TTC17: variants seen among roughly 807,000 people sequenced by gnomAD.
The protein encoded by TTC17 is tetratricopeptide repeat domain 17.
A neutral mutation model predicts 143.8 loss-of-function variants in TTC17; 58 were observed. The ratio of observed to expected loss-of-function variants is 0.40; its 90% CI spans 0.33 to 0.50. The LOEUF is 0.50. Ranked by LOEUF, TTC17 falls within the 20% of genes least tolerant of loss-of-function variation. The pLI is 0.49. For missense variants in TTC17, 1,273 were observed against 1,392.5 expected (o/e 0.91, Z 1.37); for synonymous variants, 501 against 497.8 (o/e 1.01, Z -0.09).
At chr11:43,433,355 C>G (rs1463272345) in intron 16 of TTC17, among the ~76,000 whole-genome samples, 2 of 152,224 alleles carry the variant, frequency 1.3e-5, no homozygotes, top group South Asian at 4.1e-4. Flanking sequence ...CAATTCTACT[C>G]TTAAAGCATG....
At chr11:43,406,975 CTGT>C in intron 13 of TTC17, among the ~76,000 whole-genome samples, 160 bp from the exon 14 acceptor site, 1 of 152,188 alleles carries the variant, frequency 6.6e-6, no homozygotes, top group Middle Eastern at 3.4e-3. Context: ...AGGTCAACAC[CTGT>C]TGGTATGTGA....
intron 13 of TTC17, among the ~76,000 whole-genome samples, chr11:43,406,230 A>G (rs997170615): frequency 1.3e-5 from 2 of 152,178 alleles, no homozygotes; most frequent in Non-Finnish European, 2.9e-5. Flanking sequence ...TCTGTTATCT[A>G]ATGGAGTTGG....
At chr11:43,361,061 T>A (rs1856084143) in intron 1 of TTC17, among the ~76,000 whole-genome samples, 1 of 152,192 alleles carries the variant, frequency 6.6e-6, no homozygotes, top group Admixed American at 6.5e-5. Context: ...GAAAGTTGGA[T>A]TTAATCTGAA....
chr11:43,450,428 CT>C (rs1411512868), intron 20 of TTC17, among the ~76,000 whole-genome samples, 187 bp downstream of exon 20: 1 of 152,158 alleles, frequency 6.6e-6, no homozygotes. Context: ...GCTTATTATT[CT>C]TTTTTTCTTT....
At chr11:43,395,099 CTTT>C (rs34977501) in intron 5 of TTC17, among the ~76,000 whole-genome samples, 6 of 137,430 alleles carry the variant, frequency 4.4e-5, no homozygotes, top group Admixed American at 7.4e-5. Flanking sequence ...TCATGTAGAA[CTTT>C]TTTTTTTTTT....
chr11:43,372,002 T>A (rs911721951), intron 1 of TTC17, among the ~76,000 whole-genome samples: 11 of 152,106 alleles, frequency 7.2e-5, no homozygotes, highest in African/African-American at 2.2e-4. Context: ...AGCACAGGAA[T>A]TCAAGGTTAC....
Position 43,397,333 on chromosome 11 carries a change from G to T in TTC17, c.774-14G>T. The T allele has an allele frequency of 6.2e-7, 1 of 1,602,124 alleles. No homozygotes were observed. The highest frequency in any genetic ancestry group is 8.5e-7 in the Non-Finnish European group (1 of 1,176,758). On this transcript the variant is annotated splice_polypyrimidine_tract_variant and intron_variant, in intron 6 of 23. Transcript: ENST00000039989. ...GGTTCTACATAATCATGGAATATGT[G>T]CTGCTTTCCTTAGGCACAATAAAGA...
intron 10 of TTC17, among the ~76,000 whole-genome samples, chr11:43,401,783 C>T (rs988135215): frequency 9.2e-5 from 14 of 151,898 alleles, no homozygotes; most frequent in African/African-American, 3.4e-4. Context: ...TCAAGACCAG[C>T]CTGGGTAACA....
chr11:43,402,186 C>T (rs1050467709), intron 10 of TTC17, among the ~76,000 whole-genome samples: 1 of 151,934 alleles, frequency 6.6e-6, no homozygotes, highest in African/African-American at 2.4e-5. Context: ...TCTCTTTTAC[C>T]ATGGGAGCTA....
At chr11:43,379,452 C>T in intron 2 of TTC17, 130 bp downstream of exon 2, 1 of 694,536 alleles carries the variant, frequency 1.4e-6, no homozygotes, top group Non-Finnish European at 2.4e-6. Context: ...GAATATACTA[C>T]CTGCAATGTG....
At chr11:43,490,694 C>G (rs1948458270) in intron 22 of TTC17, 1 of 159,450 alleles carries the variant, frequency 6.3e-6, no homozygotes, top group Non-Finnish European at 1.4e-5. Flanking sequence ...AGAAGTCAAT[C>G]TGAATTTAGC....
chr11:43,379,236 G>A lies in TTC17; in HGVS notation c.163G>A (p.Asp55Asn), dbSNP rs1856872686. 2 of 1,611,496 alleles carry A rather than the reference G, an allele frequency of 1.2e-6. No individual in the cohort carries two copies. The highest frequency in any genetic ancestry group is 1.7e-6 in the Non-Finnish European group (2 of 1,179,318). The change falls in exon 2 of 24, where the codon GAT becomes AAT. Residue 55 changes from aspartate (D) to asparagine (N), a missense_variant. This residue lies in a region of TTC17 where 325 missense variants were observed against 444.2 expected (regional missense o/e 0.73). Transcript: ENST00000039989. ...TTTATTTATTGCTTGCTTGCAGGTG[G>A]ATTCACCAATGAACTTGAAGCATCC... ...TEDGKIQQQVDSPMNLKHPHD... is the reference protein window; with the variant it reads ...TEDGKIQQQVNSPMNLKHPHD...
At chr11:43,379,520 T>A (rs1479161243) in intron 2 of TTC17, among the ~76,000 whole-genome samples, 198 bp downstream of exon 2, 1 of 152,104 alleles carries the variant, frequency 6.6e-6, no homozygotes, top group Non-Finnish European at 1.5e-5. Flanking sequence ...ATTTGAGTAG[T>A]AGTAAGAAAA....
chr11:43,419,062 C>A (rs867656889), intron 16 of TTC17, among the ~76,000 whole-genome samples: 10 of 152,164 alleles, frequency 6.6e-5, no homozygotes, highest in African/African-American at 2.2e-4. Context: ...CAAACAGCAA[C>A]TTCGCTGTTT....
chr11:43,410,031 AG>A (rs902564458), intron 15 of TTC17, among the ~76,000 whole-genome samples: 8 of 151,774 alleles, frequency 5.3e-5, no homozygotes, highest in Non-Finnish European at 1.2e-4. Flanking sequence ...TAGTAGAAAC[AG>A]GGTTGTATTT....
intron 8 of TTC17, among the ~76,000 whole-genome samples, chr11:43,399,054 A>C (rs1319104833): frequency 6.6e-6 from 1 of 152,194 alleles, no homozygotes; most frequent in Non-Finnish European, 1.5e-5. Flanking sequence ...ATTAAATGTA[A>C]TCAGGCAGCT....
At chr11:43,471,079 T>G (rs1287520242) in intron 21 of TTC17, among the ~76,000 whole-genome samples, 2 of 152,168 alleles carry the variant, frequency 1.3e-5, no homozygotes, top group African/African-American at 4.8e-5. Flanking sequence ...CAGACTCTAT[T>G]TTAGGATTAA....
At chr11:43,455,569 T>C (rs1368977624) in intron 21 of TTC17, among the ~76,000 whole-genome samples, 1 of 152,080 alleles carries the variant, frequency 6.6e-6, no homozygotes, top group African/African-American at 2.4e-5. Flanking sequence ...AACCAAAACA[T>C]ATAATTTATT....
intron 16 of TTC17, among the ~76,000 whole-genome samples, chr11:43,424,517 C>A (rs1475455400): frequency 6.6e-6 from 1 of 152,020 alleles, no homozygotes; most frequent in Non-Finnish European, 1.5e-5. Context: ...CGCCTGTAAC[C>A]CCAGCACTTT....
Sources: allele counts gnomAD v4.1 joint callset (sites outside exome capture counted in the v4.1 genomes callset), GRCh38; gene constraint gnomAD v4.1.1; regional missense constraint gnomAD v4.1.1; transcripts MANE v1.5; gene names NCBI Gene and HGNC (gene_info 2026-07-23, HGNC 2026-07-21).